Variants in ASAP1 observed in about 807,000 individuals in gnomAD.
ASAP1 encodes the protein ArfGAP with SH3 domain, ankyrin repeat and PH domain 1, also known as arf-GAP with SH3 domain, ANK repeat and PH domain-containing protein 1.
In ASAP1, 43 loss-of-function variants were observed where a neutral mutation model predicts 145.2. That is an observed-to-expected ratio of 0.30 (90% CI 0.23 to 0.38). ASAP1 has a LOEUF of 0.38. ASAP1 is among the 10% of genes least tolerant of loss of function. ASAP1 has a pLI of 1.00. For synonymous variants in ASAP1, 546 were observed against 515.5 expected (o/e 1.06, Z -0.80); for missense variants, 1,018 against 1,355.3 (o/e 0.75, Z 3.91).
At position 130,173,773 on chromosome 8, in the gene ASAP1, G is replaced by GAAA. The variant is rs201052362; in HGVS notation, c.747-4709_747-4707dup. ...ACAGAGTGAGACTCTGACTCAAAAAGAAAAAAAAAAATAAAAAGGCCGGGT... is the reference window on the plus strand; with the variant it reads ...ACAGAGTGAGACTCTGACTCAAAAAGAAAAAAAAAAAAAATAAAAAGGCCGGGT... On this transcript the variant is annotated intron_variant, in intron 9 of 29. Transcript: ENST00000518721. Among the ~76,000 whole-genome samples, 81 of 138,040 alleles carry GAAA rather than the reference G, an allele frequency of 5.9e-4. 5 individuals carry two copies. Among genetic ancestry groups the GAAA allele is most frequent in the Non-Finnish European group, 1.6e-4 (10 of 63,466 alleles). 90.6% of individuals were successfully genotyped at this position (138,040 alleles called of 152,430 possible).
chr8:130,404,694 C>A (rs1586984838), intron 1 of ASAP1, among the ~76,000 whole-genome samples: 1 of 152,298 alleles, frequency 6.6e-6, no homozygotes, highest in East Asian at 1.9e-4. Context: ...GTGAACTACA[C>A]ATTTCTGCCC....
intron 1 of ASAP1, among the ~76,000 whole-genome samples, chr8:130,426,645 G>A (rs576700758): frequency 6.6e-6 from 1 of 152,252 alleles, no homozygotes; most frequent in Non-Finnish European, 1.5e-5. Flanking sequence ...CAGTTATCAG[G>A]GTCTCTGCAT....
rs116409020 is a variant in ASAP1 at position 130,257,386 on chromosome 8, C to T, written c.187-20392G>A. 7.9e-3 allele frequency among the ~76,000 whole-genome samples: 1,199 copies of T among 152,282 alleles called. 16 individuals carry two copies. Among genetic ancestry groups the T allele is most frequent in the African/African-American group, 0.028 (1,152 of 41,566 alleles). On this transcript the variant is annotated intron_variant, in intron 3 of 29. Transcript: ENST00000518721. The stretch of plus-strand genomic sequence containing the variant: ...TTCAAAACCAGTCACAATCCAACTA[C>T]ATTTATTTACATAGTTTGGCTAATG...
chr8:130,171,317 C>T (rs574820045), intron 9 of ASAP1, among the ~76,000 whole-genome samples: 5 of 152,258 alleles, frequency 3.3e-5, no homozygotes, highest in African/African-American at 1.2e-4. Flanking sequence ...AAGGAACACC[C>T]AAGACGGAGT....
At chr8:130,074,742 G>A (rs75399461) in intron 27 of ASAP1, among the ~76,000 whole-genome samples, 2,402 of 152,328 alleles carry the variant, frequency 0.016, 36 homozygotes, top group African/African-American at 0.041. Flanking sequence ...ACAGAAACAA[G>A]GTGCTCCTAA....
At chr8:130,397,046 T>C (rs932163266) in intron 2 of ASAP1, among the ~76,000 whole-genome samples, 6 of 152,210 alleles carry the variant, frequency 3.9e-5, no homozygotes, top group Non-Finnish European at 5.9e-5. Context: ...TTGTTCTTTA[T>C]TCCCTTGGAC....
chr8:130,202,726 T>C (rs1271423535), intron 5 of ASAP1, among the ~76,000 whole-genome samples: 1 of 152,206 alleles, frequency 6.6e-6, no homozygotes, highest in Non-Finnish European at 1.5e-5. Context: ...AATGAGTGAA[T>C]GAATGAATCT....
At chr8:130,139,571 A>C (rs1272350586) in intron 13 of ASAP1, among the ~76,000 whole-genome samples, 1 of 152,090 alleles carries the variant, frequency 6.6e-6, no homozygotes, top group Non-Finnish European at 1.5e-5. Flanking sequence ...TCTACTGAAA[A>C]TACAAAACTT....
chr8:130,074,572 G>T (rs536285263), intron 27 of ASAP1, among the ~76,000 whole-genome samples: 2 of 152,202 alleles, frequency 1.3e-5, no homozygotes, highest in South Asian at 4.1e-4. Context: ...CCCTGATAGG[G>T]CAAGTCAGAT....
intron 3 of ASAP1, among the ~76,000 whole-genome samples, chr8:130,345,226 A>T (rs1397485651): frequency 6.6e-6 from 1 of 152,208 alleles, no homozygotes; most frequent in Non-Finnish European, 1.5e-5. Context: ...TGCTCATAAA[A>T]TCATATGATT....
intron 1 of ASAP1, among the ~76,000 whole-genome samples, chr8:130,419,839 G>A (rs1829642782): frequency 6.6e-6 from 1 of 152,142 alleles, no homozygotes; most frequent in Non-Finnish European, 1.5e-5. Context: ...AGCCCTCGCT[G>A]TCTCCGGTTT....
intron 2 of ASAP1, among the ~76,000 whole-genome samples, chr8:130,365,837 T>C (rs1826923697): frequency 6.6e-6 from 1 of 152,084 alleles, no homozygotes; most frequent in Admixed American, 6.6e-5. Flanking sequence ...CAAACATTTA[T>C]AGGGGGAAGG....
chr8:130,092,692 G>C (rs1158892014), intron 24 of ASAP1, among the ~76,000 whole-genome samples: 1 of 152,044 alleles, frequency 6.6e-6, no homozygotes, highest in East Asian at 1.9e-4. Context: ...ACTGAGTTTA[G>C]ATCATTTAGG....
At chr8:130,264,592 A>G (rs1384665606) in intron 3 of ASAP1, among the ~76,000 whole-genome samples, 2 of 152,086 alleles carry the variant, frequency 1.3e-5, no homozygotes, top group Non-Finnish European at 2.9e-5. Flanking sequence ...CTTTTTTTGG[A>G]ACTATAACTG....
Position 130,330,430 on chromosome 8 carries a change from C to A in ASAP1, c.186+27587G>T, listed in dbSNP as rs75256218. 3.1e-3 allele frequency among the ~76,000 whole-genome samples: 469 copies of A among 152,372 alleles called. 2 individuals are homozygous for A. The highest frequency in any genetic ancestry group is 0.011 in the African/African-American group (457 of 41,580). On this transcript the variant is annotated intron_variant, in intron 3 of 29. Transcript: ENST00000518721. ...CTGAATTATCACAGCTCTGACCGGT[C>A]TATGCTATATTGCAGCTAACCTGGC... is the stretch of plus-strand genomic sequence containing the variant.
At chr8:130,241,042 C>T (rs1011750736) in intron 3 of ASAP1, among the ~76,000 whole-genome samples, 2 of 152,038 alleles carry the variant, frequency 1.3e-5, no homozygotes, top group Admixed American at 1.3e-4. Context: ...CTCTCCAGGC[C>T]GAGTGGTATC....
intron 1 of ASAP1, among the ~76,000 whole-genome samples, chr8:130,403,554 CTTTTTTTT>C (rs372481861): frequency 1.6e-5 from 2 of 125,398 alleles, no homozygotes; most frequent in African/African-American, 6.2e-5. Context: ...TTTTCTTTTT[CTTTTTTTT>C]TTTTTTTTTG....
At chr8:130,417,276 C>A (rs941426075) in intron 1 of ASAP1, among the ~76,000 whole-genome samples, 7 of 152,236 alleles carry the variant, frequency 4.6e-5, no homozygotes, top group Non-Finnish European at 8.8e-5. Flanking sequence ...TGCATGCACA[C>A]ATACACACAT....
In ASAP1 at chr8:130,091,832, T is replaced by C; in HGVS notation, c.2572+141A>G. On this transcript the variant is annotated intron_variant, in intron 25 of 29. Transcript: ENST00000518721. ...TTCCCTTAAGAGACAGGTAGAATCA[T>C]GTCATATATACCCGAGTCAGCACCC... is the stretch of plus-strand genomic sequence containing the variant. 2.0e-5 allele frequency: 18 copies of C among 881,140 alleles called. 1 individual carries two copies. Among genetic ancestry groups the C allele is most frequent in the Non-Finnish European group, 3.0e-5 (18 of 609,088 alleles). 54.6% of individuals were successfully genotyped at this position (881,140 alleles called of 1,614,324 possible). A position where few individuals can be genotyped will look rare whatever the true frequency, so the allele number is the denominator to read the frequency against.
Sources: gnomAD v4.1 joint callset for allele counts (sites outside exome capture counted in the v4.1 genomes callset) on GRCh38, gnomAD v4.1.1 for gene constraint, MANE v1.5 for transcripts, NCBI Gene and HGNC (gene_info 2026-07-23, HGNC 2026-07-21) for gene names.